Variants in AKAP6 observed in about 807,000 individuals in gnomAD.
AKAP6 encodes the protein A-kinase anchor protein 6.
A neutral mutation model predicts 188.5 loss-of-function variants in AKAP6; 58 were observed. The observed-to-expected ratio is 0.31, with a 90% CI of 0.25 to 0.38. The LOEUF (loss-of-function observed/expected upper bound fraction) is 0.38. Among genes scored for constraint, AKAP6 ranks in the 10% least tolerant of loss-of-function variants. The probability of loss-of-function intolerance (pLI) is 1.00; values close to 1 mark genes in which losing one functional copy is unlikely to be tolerated. For missense variants in AKAP6, 2,710 were observed against 2,740.0 expected (o/e 0.99, Z 0.24); for synonymous variants, 989 against 998.6 (o/e 0.99, Z 0.18).
intron 9 of AKAP6, among the ~76,000 whole-genome samples, chr14:32,717,007 G>A (rs1169105579): frequency 6.6e-6 from 1 of 152,046 alleles, no homozygotes. Flanking sequence ...AGATAGCTTT[G>A]TCCCTGTTTT....
At chr14:32,703,444 A>G (rs1317166759) in intron 9 of AKAP6, among the ~76,000 whole-genome samples, 2 of 152,182 alleles carry the variant, frequency 1.3e-5, no homozygotes, top group South Asian at 2.1e-4. Context: ...CCAAAAGTAG[A>G]CAGAACTTTC....
intron 2 of AKAP6, among the ~76,000 whole-genome samples, chr14:32,460,799 C>T: frequency 6.6e-6 from 1 of 152,370 alleles, no homozygotes; most frequent in South Asian, 2.1e-4. Flanking sequence ...CCATGGAGCC[C>T]AGCAAGCTAA....
Position 32,545,317 on chromosome 14 carries a change from A to G in AKAP6, c.664A>G (p.Ile222Val). 6.2e-7 allele frequency: 1 copy of G among 1,614,168 alleles called. No individual in the cohort carries two copies. The highest frequency in any genetic ancestry group is 8.5e-7 in the Non-Finnish European group (1 of 1,179,994). ...SQNYLSLDCG[I>V]TAFELSDYSP... ...AAATTACTTGTCTCTGGATTGTGGCATTACTGCATTCGAACTGTCTGACTA... is the reference window on the plus strand; with the variant it reads ...AAATTACTTGTCTCTGGATTGTGGCGTTACTGCATTCGAACTGTCTGACTA... The change falls in exon 4 of 14, where the codon ATT becomes GTT. Residue 222 changes from isoleucine (I) to valine (V), a missense_variant. Around this residue, in one of 2 missense-constraint regions of AKAP6, gnomAD observed 237 missense variants for 313.9 expected, o/e 0.76. Coordinates refer to ENST00000280979, the MANE Select transcript of AKAP6 (RefSeq NM_004274.5).
chr14:32,447,618 T>C (rs1890798392), intron 2 of AKAP6, among the ~76,000 whole-genome samples: 1 of 152,246 alleles, frequency 6.6e-6, no homozygotes, highest in Non-Finnish European at 1.5e-5. Flanking sequence ...TAGCAGACTC[T>C]AGTTAATACG....
At chr14:32,351,070 G>C (rs983731445) in intron 1 of AKAP6, among the ~76,000 whole-genome samples, 1 of 152,090 alleles carries the variant, frequency 6.6e-6, no homozygotes, top group African/African-American at 2.4e-5. Context: ...AGAATATAGT[G>C]ATTTTCCAGA....
intron 5 of AKAP6, among the ~76,000 whole-genome samples, chr14:32,581,982 T>G (rs1374233017): frequency 6.6e-6 from 1 of 152,140 alleles, no homozygotes; most frequent in Non-Finnish European, 1.5e-5. Flanking sequence ...TTGGAGCATT[T>G]AGTCCATTTA....
chr14:32,575,303 T>C (rs2139259153), intron 4 of AKAP6, among the ~76,000 whole-genome samples: 1 of 152,174 alleles, frequency 6.6e-6, no homozygotes, highest in South Asian at 2.1e-4. Context: ...AGTTGCAATA[T>C]GAGAAAATTA....
intron 9 of AKAP6, among the ~76,000 whole-genome samples, chr14:32,727,775 T>C (rs2030944775): frequency 6.6e-6 from 1 of 152,242 alleles, no homozygotes; most frequent in African/African-American, 2.4e-5. Flanking sequence ...GGAGTCTTTA[T>C]AATTTCTCTA....
chr14:32,652,350 A>G (rs1359342081), intron 7 of AKAP6, among the ~76,000 whole-genome samples: 1 of 151,812 alleles, frequency 6.6e-6, no homozygotes, highest in Non-Finnish European at 1.5e-5. Flanking sequence ...TGGCCTGATT[A>G]TGTTTTTCTA....
intron 1 of AKAP6, among the ~76,000 whole-genome samples, chr14:32,363,019 T>C (rs906678073): frequency 6.6e-6 from 1 of 152,158 alleles, no homozygotes; most frequent in African/African-American, 2.4e-5. Flanking sequence ...AAGATGACTT[T>C]GGGGTTTGTA....
chr14:32,610,859 T>C (rs1886322110), intron 7 of AKAP6, among the ~76,000 whole-genome samples: 2 of 152,210 alleles, frequency 1.3e-5, no homozygotes, highest in Admixed American at 1.3e-4. Context: ...GAAAGATAGA[T>C]ACTGAAAAAG....
chr14:32,526,313 A>G (rs1274043032), intron 2 of AKAP6, among the ~76,000 whole-genome samples: 2 of 152,036 alleles, frequency 1.3e-5, no homozygotes, highest in Non-Finnish European at 2.9e-5. Context: ...GCTCACTGCA[A>G]CCTCTGCCTC....
chr14:32,512,842 A>C (rs879916763), intron 2 of AKAP6, among the ~76,000 whole-genome samples: 2 of 152,212 alleles, frequency 1.3e-5, no homozygotes, highest in Non-Finnish European at 2.9e-5. Context: ...CTCAGCAATA[A>C]ATTTTCCAGA....
At chr14:32,345,805 A>G (rs1448676595) in intron 1 of AKAP6, among the ~76,000 whole-genome samples, 1 of 152,192 alleles carries the variant, frequency 6.6e-6, no homozygotes, top group African/African-American at 2.4e-5. Flanking sequence ...TCTGTATGTC[A>G]TTTGAGCACA....
intron 3 of AKAP6, among the ~76,000 whole-genome samples, chr14:32,540,131 G>GCTCTCTCTCTCTCTCTCTCT (rs1216788649): frequency 7.5e-5 from 5 of 66,500 alleles, no homozygotes; most frequent in African/African-American, 4.3e-4. Context: ...TTGCTCGTGC[G>GCTCTCTCTCTCTCTCTCTCT]CTCTCTCTCT....
intron 2 of AKAP6, among the ~76,000 whole-genome samples, chr14:32,514,671 T>C (rs1454470945): frequency 1.3e-5 from 2 of 152,210 alleles, no homozygotes; most frequent in Non-Finnish European, 2.9e-5. Flanking sequence ...TCTAAACTGC[T>C]AATGGATATT....
At chr14:32,605,075 T>A (rs1261211267) in intron 7 of AKAP6, among the ~76,000 whole-genome samples, 1 of 152,150 alleles carries the variant, frequency 6.6e-6, no homozygotes, top group East Asian at 1.9e-4. Flanking sequence ...ACATGTGGTG[T>A]TTGGTTTTCT....
At position 32,383,246 on chromosome 14, in the gene AKAP6, A is replaced by G. The variant is rs368552113; in HGVS notation, c.-34-50214A>G. On this transcript the variant is annotated intron_variant, in intron 1 of 13. Coordinates refer to ENST00000280979, the MANE Select transcript of AKAP6 (RefSeq NM_004274.5). ...TGTGTTAAAATAACTTTAAAAGAAT[A>G]TCTTTTATTTAACTGTTTGTCAAAA... Among the ~76,000 whole-genome samples, 334 of 152,262 alleles carry G rather than the reference A, an allele frequency of 2.2e-3. 1 individual carries two copies. Among genetic ancestry groups the G allele is most frequent in the African/African-American group, 7.4e-3 (308 of 41,548 alleles).
chr14:32,816,599 G>A (rs2034384741), intron 12 of AKAP6, among the ~76,000 whole-genome samples: 1 of 152,078 alleles, frequency 6.6e-6, no homozygotes. Flanking sequence ...GGGTTACAGG[G>A]TGCCAAGAAA....
Sources: gnomAD v4.1 joint callset for allele counts (sites outside exome capture counted in the v4.1 genomes callset) on GRCh38, gnomAD v4.1.1 for gene constraint, gnomAD v4.1.1 regional missense constraint, MANE v1.5 for transcripts, NCBI Gene and HGNC (gene_info 2026-07-23, HGNC 2026-07-21) for gene names.